The following MED12L variants were observed in gnomAD, a reference collection of about 807,000 sequenced individuals.
The protein encoded by MED12L is mediator complex subunit 12L, also known as mediator of RNA polymerase II transcription subunit 12-like protein.
Under a neutral mutation model 281.3 loss-of-function variants are expected in MED12L, and 60 were observed. That is an observed-to-expected ratio of 0.21 (90% CI 0.17 to 0.26). MED12L has a LOEUF of 0.26. Ranked by LOEUF, MED12L falls within the 10% of genes least tolerant of loss-of-function variation. The pLI is 1.00. For missense variants in MED12L, 2,146 were observed against 2,680.9 expected (o/e 0.80, Z 4.41); for synonymous variants, 974 against 987.2 (o/e 0.99, Z 0.25).
chr3:151,413,330 C>T (rs768155390), intron 42 of MED12L, 35 bp downstream of exon 42: 2 of 1,592,638 alleles, frequency 1.3e-6, no homozygotes, highest in South Asian at 1.1e-5. Flanking sequence ...ATGCCATCAC[C>T]CTTCAGACAG....
chr3:151,409,395 A>T, intron 40 of MED12L, 63 bp downstream of exon 40: 1 of 1,430,970 alleles, frequency 7.0e-7, no homozygotes, highest in Non-Finnish European at 9.9e-7. Flanking sequence ...GAGGTGGGAA[A>T]TTAAGTAAAT....
At position 151,086,951 on chromosome 3, in the gene MED12L, T is replaced by A. The variant is rs1032774934; in HGVS notation, c.25T>A (p.Tyr9Asn). The A allele has an allele frequency of 6.2e-7, 1 of 1,607,554 alleles. No homozygotes were observed. Among genetic ancestry groups the A allele is most frequent in the Non-Finnish European group, 8.5e-7 (1 of 1,177,716 alleles). Residue 9 changes from tyrosine to asparagine, a missense_variant, in exon 2 of 45, where the codon TAT becomes AAT. Tyr to Asn is a moderately radical substitution (Grantham distance 143). Coordinates refer to ENST00000687756, the MANE Select transcript of MED12L (RefSeq NM_001393769.1). ...CATGGCCGCCTTCGGGCTTCTCAGC[T>A]ATGAGCAGAGACCGCTGAAGCGCCC... MAAFGLLS[Y>N]EQRPLKRPRL...
chr3:151,199,521 C>T (rs2149139575), intron 16 of MED12L: 4 of 717,410 alleles, frequency 5.6e-6, no homozygotes, highest in South Asian at 4.0e-5. Flanking sequence ...TTCACAATAC[C>T]GTTGTCTTTC....
chr3:151,350,878 T>A (rs564024611), intron 17 of MED12L, among the ~76,000 whole-genome samples: 41 of 152,370 alleles, frequency 2.7e-4, no homozygotes, highest in Non-Finnish European at 5.4e-4. Context: ...TGGAATTTTG[T>A]AATTATCCAC....
chr3:151,214,915 C>T (rs1477671503), intron 16 of MED12L, among the ~76,000 whole-genome samples: 1 of 151,616 alleles, frequency 6.6e-6, no homozygotes, highest in Non-Finnish European at 1.5e-5. Flanking sequence ...TTGTTTTTTC[C>T]TAAAAGAGAA....
chr3:151,151,031 CTTTTTTTTTT>C (rs573419924), intron 5 of MED12L, among the ~76,000 whole-genome samples: 10 of 32,888 alleles, frequency 3.0e-4, no homozygotes, highest in Non-Finnish European at 4.3e-4. Flanking sequence ...GCTGAAGTAG[CTTTTTTTTTT>C]TTTTTTTTTT....
chr3:151,347,903 C>T (rs1297362107), intron 16 of MED12L, among the ~76,000 whole-genome samples: 1 of 152,152 alleles, frequency 6.6e-6, no homozygotes, highest in African/African-American at 2.4e-5. Flanking sequence ...AACCAGTATG[C>T]AGTCACAGCT....
intron 15 of MED12L, 97 bp from the exon 16 acceptor site, chr3:151,193,393 T>A (rs926529005): frequency 6.9e-6 from 6 of 868,860 alleles, no homozygotes; most frequent in Non-Finnish European, 1.1e-5. Flanking sequence ...GGAAAAGGTG[T>A]ATAAGTGTCT....
At position 151,247,962 on chromosome 3, in the gene MED12L, C is replaced by CTTTTTT. The variant is rs61102632; in HGVS notation, c.2250+54314_2250+54319dup. Reference sequence around the variant, plus strand: ...GTTTACTTTCTTTCTTCTTCTTCTTCTTTTTTTTTTTTTTTTTTTTTTTGC... The same window carrying CTTTTTT: ...GTTTACTTTCTTTCTTCTTCTTCTTCTTTTTTTTTTTTTTTTTTTTTTTTTTTTTGC... On this transcript the variant is annotated intron_variant, in intron 16 of 44. Transcript: ENST00000687756. Among the ~76,000 whole-genome samples the CTTTTTT allele has an allele frequency of 2.8e-3, 214 of 75,868 alleles. 5 individuals carry two copies. The highest frequency in any genetic ancestry group is 4.8e-3 in the African/African-American group (90 of 18,712). The allele number at this position is 75,868 out of a possible 152,430, so 49.8% of individuals were successfully genotyped here. A position where few individuals can be genotyped will look rare whatever the true frequency, so the allele number is the denominator to read the frequency against.
chr3:151,355,412 C>G (rs999759878), intron 18 of MED12L, among the ~76,000 whole-genome samples, 173 bp downstream of exon 18: 1 of 151,984 alleles, frequency 6.6e-6, no homozygotes, highest in Admixed American at 6.5e-5. Flanking sequence ...TTGCCTTCCT[C>G]GAAGGATTAA....
chr3:151,410,050 T>C (rs1716775190), intron 40 of MED12L, among the ~76,000 whole-genome samples: 1 of 152,186 alleles, frequency 6.6e-6, no homozygotes, highest in South Asian at 2.1e-4. Context: ...AATCAGACTT[T>C]GGCACAGTTC....
chr3:151,293,638 T>C (rs1342305918), intron 16 of MED12L, among the ~76,000 whole-genome samples: 15 of 99,662 alleles, frequency 1.5e-4, no homozygotes, highest in South Asian at 3.4e-4. Context: ...ATGAAGCCCT[T>C]ACACACACAC....
At chr3:151,329,133 TTCAATAGA>T in intron 16 of MED12L, 1 of 673,332 alleles carries the variant, frequency 1.5e-6, no homozygotes. Flanking sequence ...ATCCAACACT[TTCAATAGA>T]TGTGTTGAAA....
chr3:151,276,390 A>G (rs1000049511), intron 16 of MED12L, among the ~76,000 whole-genome samples: 1 of 152,250 alleles, frequency 6.6e-6, no homozygotes, highest in African/African-American at 2.4e-5. Flanking sequence ...AACACTCCTT[A>G]TTGTCCATCA....
At chr3:151,274,152 A>G (rs1741467192) in intron 16 of MED12L, among the ~76,000 whole-genome samples, 3 of 152,254 alleles carry the variant, frequency 2.0e-5, no homozygotes, top group African/African-American at 7.2e-5. Flanking sequence ...CGCTGCCACA[A>G]AACCAAAAGA....
intron 16 of MED12L, among the ~76,000 whole-genome samples, chr3:151,307,434 G>A (rs547035684): frequency 4.6e-5 from 7 of 152,156 alleles, no homozygotes; most frequent in African/African-American, 1.7e-4. Flanking sequence ...CTGATGTTCT[G>A]TTCTCATAGT....
chr3:151,136,889 T>C (rs1716213371), intron 5 of MED12L, among the ~76,000 whole-genome samples: 1 of 152,116 alleles, frequency 6.6e-6, no homozygotes, highest in Non-Finnish European at 1.5e-5. Context: ...TTAGGCTGTG[T>C]GCGGTGGCTC....
At chr3:151,209,424 A>G (rs916130403) in intron 16 of MED12L, among the ~76,000 whole-genome samples, 2 of 152,238 alleles carry the variant, frequency 1.3e-5, no homozygotes, top group African/African-American at 4.8e-5. Flanking sequence ...GACCTGTGGG[A>G]AAGAAAAACT....
rs1719338063 is a variant in MED12L at position 151,430,342 on chromosome 3, C to T, written c.6452C>T (p.Thr2151Met). The change falls in exon 44 of 45, where the codon ACG becomes ATG. Residue 2151 changes from threonine to methionine, a missense_variant. Thr to Met is a moderately conservative substitution (Grantham distance 81, BLOSUM62 -1). Coordinates refer to ENST00000687756, the MANE Select transcript of MED12L (RefSeq NM_001393769.1). ...CAGCAGACCCAGCAGCAGCAGCAGA[C>T]GGCCGCCTTGGTGCGGCAGCTCCAG... Reference protein sequence around the residue: ...GLQQTQQQQQTAALVRQLQKQ... With the variant: ...GLQQTQQQQQMAALVRQLQKQ... The T allele has an allele frequency of 6.2e-7, 1 of 1,613,952 alleles. No individual in the cohort carries two copies. The highest frequency in any genetic ancestry group is 1.3e-5 in the African/African-American group (1 of 74,908).
Sources: allele counts gnomAD v4.1 joint callset (sites outside exome capture counted in the v4.1 genomes callset), GRCh38; gene constraint gnomAD v4.1.1; transcripts MANE v1.5; gene names NCBI Gene and HGNC (gene_info 2026-07-23, HGNC 2026-07-21).